The following DLEC1 variants were observed in gnomAD, a reference collection of about 807,000 sequenced individuals.
The protein encoded by DLEC1 is DLEC1 cilia and flagella associated protein.
DLEC1 carries 146 observed loss-of-function variants against 198.1 expected under a neutral mutation model. That is an observed-to-expected ratio of 0.74 (90% CI 0.64 to 0.85). DLEC1 has a LOEUF of 0.85. Ranked by LOEUF, DLEC1 falls within the 40% of genes least tolerant of loss-of-function variation. DLEC1 has a pLI of 0.00. For synonymous variants in DLEC1, 897 were observed against 866.8 expected, an observed-to-expected ratio of 1.03 and a Z score of -0.61; for missense variants, 2,233 against 2,220.0, an observed-to-expected ratio of 1.01 and a Z score of -0.12.
chr3:38,112,389 T>TG lies in DLEC1; in HGVS notation c.3666+34dup, dbSNP rs749906954. 6.2e-7 allele frequency: 1 copy of TG among 1,610,002 alleles called. No individual in the cohort carries two copies. The highest frequency in any genetic ancestry group is 8.5e-7 in the Non-Finnish European group (1 of 1,176,802). ...AAGGGTACACAAGAGGGCAGTGGCC[T>TG]GGGGGGTGGAGAGTCTGCCCAGCCC... On this transcript the variant is annotated intron_variant, in intron 25 of 36. Coordinates refer to ENST00000308059, the MANE Select transcript of DLEC1 (RefSeq NM_007335.4). This position sits in a 1 kb window ranked among gnomAD's most constrained non-coding sequence, Gnocchi z 4.8.
intron 6 of DLEC1, 88 bp downstream of exon 6, chr3:38,064,007 CTTTT>C (rs71094947): frequency 8.5e-5 from 38 of 448,072 alleles, no homozygotes; most frequent in Non-Finnish European, 1.1e-4. Flanking sequence ...TTTTTTTTTT[CTTTT>C]TTTTTTTTTT....
intron 6 of DLEC1, among the ~76,000 whole-genome samples, chr3:38,069,122 G>T (rs1339557460): frequency 6.6e-6 from 1 of 152,148 alleles, no homozygotes; most frequent in Non-Finnish European, 1.5e-5. Flanking sequence ...TATCTTTGGG[G>T]AGTGGGAAAT....
At chr3:38,054,692 T>A (rs189080344) in intron 2 of DLEC1, among the ~76,000 whole-genome samples, 1 of 152,232 alleles carries the variant, frequency 6.6e-6, no homozygotes, top group Non-Finnish European at 1.5e-5. Context: ...GTGGCCCAGG[T>A]TAAAAGAATG....
chr3:38,065,887 A>G (rs1428975334), intron 6 of DLEC1, among the ~76,000 whole-genome samples: 2 of 152,252 alleles, frequency 1.3e-5, no homozygotes, highest in Non-Finnish European at 2.9e-5. Context: ...CCTGCTTTTT[A>G]AAAATGCCAT....
intron 6 of DLEC1, among the ~76,000 whole-genome samples, chr3:38,079,560 C>A (rs1305230153): frequency 6.6e-6 from 1 of 152,146 alleles, no homozygotes; most frequent in East Asian, 1.9e-4. Flanking sequence ...GCCAAGAAGA[C>A]CTGGGAAGGA....
chr3:38,040,895 A>G (rs1700622207), intron 1 of DLEC1, among the ~76,000 whole-genome samples: 1 of 152,034 alleles, frequency 6.6e-6, no homozygotes, highest in African/African-American at 2.4e-5. Context: ...GCTGGAGTGC[A>G]GTGATGTGAT....
chr3:38,121,121 G>A (rs890351188), intron 34 of DLEC1, among the ~76,000 whole-genome samples: 15 of 152,210 alleles, frequency 9.9e-5, no homozygotes, highest in African/African-American at 2.4e-4. Flanking sequence ...CCGGGGGCAG[G>A]AGGCTGAGCA....
At chr3:38,092,258 G>C (rs1408911763) in intron 10 of DLEC1, among the ~76,000 whole-genome samples, 1 of 152,204 alleles carries the variant, frequency 6.6e-6, no homozygotes, top group African/African-American at 2.4e-5. Context: ...ACATGGATAA[G>C]TCTGGAGGAC....
chr3:38,097,755 C>T lies in DLEC1; in HGVS notation c.2577C>T (p.Leu859=), dbSNP rs1232960578. 2 of 1,614,054 alleles carry T rather than the reference C, an allele frequency of 1.2e-6. No individual in the cohort carries two copies. Among genetic ancestry groups the T allele is most frequent in the Non-Finnish European group, 1.7e-6 (2 of 1,180,038 alleles). The change falls in exon 18 of 37, where the codon CTC becomes CTT. Residue 859 remains leucine (L), a synonymous_variant. Transcript: ENST00000308059. ...TCTGGGTGTCTCAGGGGCCTGCCCTCATCATCAACGTCTCAGCCCTTCAGT... is the reference window on the plus strand; with the variant it reads ...TCTGGGTGTCTCAGGGGCCTGCCCTTATCATCAACGTCTCAGCCCTTCAGT... ...HIEAVFKGPA[L]IINVSALQFG... is the part of the protein sequence containing the mutation.
At position 38,049,073 on chromosome 3, in the gene DLEC1, G is replaced by GTTT. The variant is rs34325195; in HGVS notation, c.562+3389_562+3391dup. On this transcript the variant is annotated intron_variant, in intron 2 of 36. Transcript: ENST00000308059. ...GGAGATTAAATAATTAACTATTTGG[G>GTTT]TTTTTTTTTTTAATGAAAGTGAAAT... is the stretch of plus-strand genomic sequence containing the variant. Among the ~76,000 whole-genome samples the GTTT allele has an allele frequency of 4.4e-3, 645 of 148,218 alleles. 3 individuals carry two copies. Among genetic ancestry groups the GTTT allele is most frequent in the East Asian group, 0.015 (74 of 5,100 alleles).
At position 38,122,071 on chromosome 3, in the gene DLEC1, G is replaced by A. The variant is rs1382694235; in HGVS notation, c.5021G>A (p.Gly1674Asp). ...GTGTCTTCCCTTCCCTTTGGTGCAG[G>A]CCAGCAGGAGCCAGCCAAGGCCGCT... ...GCRSYWTMLM[G>D]QQEPAKAAVA... Residue 1674 changes from glycine to aspartate, a missense_variant and splice_region_variant, in exon 36 of 37, where the codon GGC (glycine) becomes GAC (aspartate). Physicochemically the swap from Gly to Asp is moderately conservative, Grantham distance 94 (BLOSUM62 -1). Coordinates refer to ENST00000308059, the MANE Select transcript of DLEC1 (RefSeq NM_007335.4). 1 of 1,613,974 alleles carries A rather than the reference G, an allele frequency of 6.2e-7. No homozygotes were observed. Among genetic ancestry groups the A allele is most frequent in the Admixed American group, 1.7e-5 (1 of 60,000 alleles).
intron 15 of DLEC1, 104 bp downstream of exon 15, chr3:38,096,841 C>T: frequency 7.4e-7 from 1 of 1,347,402 alleles, no homozygotes; most frequent in Non-Finnish European, 1.0e-6. Flanking sequence ...GCAGCCACTG[C>T]ATGGAGGCTG....
chr3:38,086,422 A>G, intron 9 of DLEC1, 45 bp downstream of exon 9: 1 of 1,570,860 alleles, frequency 6.4e-7, no homozygotes, highest in East Asian at 2.3e-5. Flanking sequence ...CAAGTCCATC[A>G]AAGGAAATAA....
chr3:38,057,938 T>C (rs1047775057), intron 2 of DLEC1, among the ~76,000 whole-genome samples: 2 of 151,240 alleles, frequency 1.3e-5, no homozygotes, highest in Non-Finnish European at 2.9e-5. Context: ...TGCCTCAGCC[T>C]CCTGAGTAGC....
chr3:38,114,875 A>G (rs1700068255), intron 26 of DLEC1, 108 bp from the exon 27 acceptor site: 1 of 946,022 alleles, frequency 1.1e-6, no homozygotes, highest in African/African-American at 1.6e-5. Flanking sequence ...GTGAGGCCAG[A>G]CCACTGTGGT....
chr3:38,064,633 G>A (rs892480522), intron 6 of DLEC1, among the ~76,000 whole-genome samples: 1 of 150,326 alleles, frequency 6.7e-6, no homozygotes, highest in African/African-American at 2.5e-5. Context: ...GGCTAGCCGG[G>A]CGGGGGCTGC....
chr3:38,085,149 T>C (rs12629897), intron 7 of DLEC1, 125 bp from the exon 8 acceptor site: 393,773 of 1,018,984 alleles, frequency 0.39, 78,993 homozygotes, highest in East Asian at 0.59. Flanking sequence ...GCCATCAGCG[T>C]GGCTTTGGCC....
chr3:38,078,946 T>G (rs1388177683), intron 6 of DLEC1, among the ~76,000 whole-genome samples: 2 of 152,204 alleles, frequency 1.3e-5, no homozygotes, highest in Non-Finnish European at 2.9e-5. Flanking sequence ...GTTTATAGGC[T>G]TTAAAAGGCC....
At position 38,121,708 on chromosome 3, in the gene DLEC1, G is replaced by T. The variant is rs201808543; in HGVS notation, c.4947G>T (p.Val1649=). 6.2e-7 allele frequency: 1 copy of T among 1,614,114 alleles called. No homozygotes were observed. The highest frequency in any genetic ancestry group is 2.2e-5 in the East Asian group (1 of 44,880). Reference sequence around the variant, plus strand: ...GGGTGGACTTTGGGACCTGCTTTGTGAGCCAGCAGCGAGTCCGGGAGGTCT... The same window carrying T: ...GGGTGGACTTTGGGACCTGCTTTGTTAGCCAGCAGCGAGTCCGGGAGGTCT... ...TSWVDFGTCF[V]SQQRVREVYL... is the part of the protein sequence containing the mutation. The change falls in exon 35 of 37, where the codon GTG becomes GTT. Residue 1649 remains valine, a synonymous_variant. Coordinates refer to ENST00000308059, the MANE Select transcript of DLEC1 (RefSeq NM_007335.4).
Sources: gnomAD v4.1 joint callset for allele counts (sites outside exome capture counted in the v4.1 genomes callset) on GRCh38, gnomAD v4.1.1 for gene constraint, Gnocchi (gnomAD v3.1) non-coding constraint, MANE v1.5 for transcripts, NCBI Gene and HGNC (gene_info 2026-07-23, HGNC 2026-07-21) for gene names.